The following CDC42BPA variants were observed in gnomAD, a reference collection of about 807,000 sequenced individuals.
The protein encoded by CDC42BPA is serine/threonine-protein kinase MRCK alpha.
CDC42BPA carries 80 observed loss-of-function variants against 223.5 expected under a neutral mutation model. The ratio of observed to expected loss-of-function variants is 0.36; its 90% CI spans 0.30 to 0.43. CDC42BPA has a LOEUF of 0.43. CDC42BPA is among the 20% of genes least tolerant of loss of function. The pLI, the probability that CDC42BPA is intolerant of heterozygous loss-of-function variation, is 1.00. For synonymous variants in CDC42BPA, 694 were observed against 718.6 expected (o/e 0.97, Z 0.55); for missense variants, 1,743 against 2,099.9 (o/e 0.83, Z 3.32).
intron 32 of CDC42BPA, among the ~76,000 whole-genome samples, chr1:227,021,381 T>G (rs1667349848): frequency 6.6e-6 from 1 of 152,254 alleles, no homozygotes; most frequent in Admixed American, 6.5e-5. Flanking sequence ...ATCTAAAGCT[T>G]ACATTTCATT....
chr1:227,253,158 A>G (rs1682324922), intron 2 of CDC42BPA, among the ~76,000 whole-genome samples: 4 of 152,156 alleles, frequency 2.6e-5, no homozygotes. Context: ...TTCAATACAA[A>G]CTTTACCCAA....
intron 1 of CDC42BPA, among the ~76,000 whole-genome samples, chr1:227,288,365 A>G (rs1312334791): frequency 6.6e-6 from 1 of 152,052 alleles, no homozygotes; most frequent in Non-Finnish European, 1.5e-5. Context: ...ACAGAGGGAG[A>G]TCCTGCCTCA....
intron 5 of CDC42BPA, chr1:227,183,530 C>T (rs1163972967): frequency 6.6e-6 from 1 of 152,194 alleles, no homozygotes; most frequent in African/African-American, 2.4e-5. Context: ...ATCAGAAGTT[C>T]ATTCCTTTTT....
chr1:227,111,376 T>C (rs1686890229), intron 14 of CDC42BPA, among the ~76,000 whole-genome samples: 1 of 152,234 alleles, frequency 6.6e-6, no homozygotes, highest in Non-Finnish European at 1.5e-5. Flanking sequence ...ATAATACTAT[T>C]ATACTAACAG....
At chr1:227,022,030 A>T (rs1667468299) in intron 32 of CDC42BPA, among the ~76,000 whole-genome samples, 1 of 125,028 alleles carries the variant, frequency 8.0e-6, no homozygotes, top group African/African-American at 2.9e-5. Context: ...CCCGCAAAAA[A>T]AAAATAAAAT....
intron 3 of CDC42BPA, among the ~76,000 whole-genome samples, chr1:227,207,921 G>C (rs1418890294): frequency 3.3e-5 from 3 of 90,480 alleles, no homozygotes; most frequent in Admixed American, 1.2e-4. Flanking sequence ...TCTAGTTCTA[G>C]ATCCCTGAGG....
At chr1:227,258,673 A>G (rs1352176971) in intron 1 of CDC42BPA, among the ~76,000 whole-genome samples, 2 of 150,990 alleles carry the variant, frequency 1.3e-5, no homozygotes, top group African/African-American at 5.0e-5. Flanking sequence ...AATTACTTGA[A>G]TATTTCTTAT....
At chr1:227,230,923 C>G (rs773970667) in intron 2 of CDC42BPA, among the ~76,000 whole-genome samples, 4 of 147,874 alleles carry the variant, frequency 2.7e-5, no homozygotes, top group South Asian at 2.1e-4. Context: ...CGGGTTCAAG[C>G]GATTCCCCTG....
At chr1:227,173,585 A>C (rs965341373) in intron 5 of CDC42BPA, among the ~76,000 whole-genome samples, 21 of 152,224 alleles carry the variant, frequency 1.4e-4, no homozygotes, top group South Asian at 6.2e-4. Context: ...CACCCTAAAA[A>C]AACTATAAAA....
chr1:227,165,214 C>T (rs7555278), intron 5 of CDC42BPA, among the ~76,000 whole-genome samples: 128,126 of 152,142 alleles, frequency 0.84, 54,239 homozygotes, highest in Middle Eastern at 0.91. Context: ...AATACAAGAA[C>T]TAAAAGGTAG....
At chr1:227,026,297 T>C (rs888571891) in intron 30 of CDC42BPA, 145 bp from the exon 31 acceptor site, 7 of 542,926 alleles carry the variant, frequency 1.3e-5, no homozygotes, top group African/African-American at 1.2e-4. Flanking sequence ...AATCAAAACA[T>C]TTTTGAAGCA....
rs776366075 is a variant in CDC42BPA at position 227,040,236 on chromosome 1, G to A, written c.3094C>T (p.Arg1032Cys). The change falls in exon 24 of 37, where the codon CGC becomes TGC. Residue 1032 changes from arginine (R) to cysteine (C), a missense_variant and splice_region_variant. This residue lies in a region of CDC42BPA where 678 missense variants were observed against 777.5 expected (regional missense o/e 0.87). Coordinates refer to ENST00000366766, the MANE Select transcript of CDC42BPA (RefSeq NM_001394014.1). ...CPGSTGFPPK[R>C]KTHQFFVKSF... ...TTTACAAAAAACTGGTGAGTCTTGC[G>A]CTGCAAAACAAATTGATAAAAAAAC... The A allele has an allele frequency of 6.3e-6, 10 of 1,585,616 alleles. No individual in the cohort carries two copies. Among genetic ancestry groups the A allele is most frequent in the Middle Eastern group, 1.7e-4 (1 of 6,046 alleles).
At chr1:227,062,531 T>C (rs757063415) in intron 21 of CDC42BPA, among the ~76,000 whole-genome samples, 3 of 152,184 alleles carry the variant, frequency 2.0e-5, no homozygotes, top group African/African-American at 4.8e-5. Flanking sequence ...TGTATTATGC[T>C]TAAGGGCAGG....
intron 1 of CDC42BPA, among the ~76,000 whole-genome samples, chr1:227,310,748 G>A (rs1406296766): frequency 1.4e-5 from 2 of 146,558 alleles, no homozygotes; most frequent in Non-Finnish European, 3.0e-5. Flanking sequence ...GTGCAGTGGC[G>A]CGATCTCGGC....
At position 227,238,109 on chromosome 1, in the gene CDC42BPA, T is replaced by G. The variant is rs544601769; in HGVS notation, c.270+15955A>C. 1.9e-3 allele frequency among the ~76,000 whole-genome samples: 288 copies of G among 151,152 alleles called. 1 individual carries two copies. Among genetic ancestry groups the G allele is most frequent in the Admixed American group, 4.5e-3 (69 of 15,172 alleles). On this transcript the variant is annotated intron_variant, in intron 2 of 36. Coordinates refer to ENST00000366766, the MANE Select transcript of CDC42BPA (RefSeq NM_001394014.1). ...GGCTCATGTCTGTAATCCCAACACTTTGGGAGGCATAGGCAGGAGGATCAC... is the reference window on the plus strand; with the variant it reads ...GGCTCATGTCTGTAATCCCAACACTGTGGGAGGCATAGGCAGGAGGATCAC...
chr1:227,191,066 G>A (rs574018124), intron 5 of CDC42BPA, among the ~76,000 whole-genome samples: 71 of 152,132 alleles, frequency 4.7e-4, no homozygotes, highest in Middle Eastern at 3.4e-3. Context: ...ATTCAAGGCC[G>A]GGCACGGTGG....
intron 30 of CDC42BPA, among the ~76,000 whole-genome samples, chr1:227,027,890 G>C (rs1273290429): frequency 6.6e-6 from 1 of 152,160 alleles, no homozygotes; most frequent in Non-Finnish European, 1.5e-5. Flanking sequence ...GCCAAGTTGG[G>C]AGGATTGCTT....
rs893863580 is a variant in CDC42BPA, at chr1:226,991,718, G to A, written c.*2550C>T. ...TAGCTCTCTCTCTCTGCCCTGTTGG[G>A]AGGCTGAAGAGTATGACCCATAGCA... On this transcript the variant is annotated 3_prime_UTR_variant, in exon 37 of 37. Coordinates refer to ENST00000366766, the MANE Select transcript of CDC42BPA (RefSeq NM_001394014.1). 1 of 152,058 alleles carries A rather than the reference G, an allele frequency of 6.6e-6. No homozygotes were observed. Among genetic ancestry groups the A allele is most frequent in the African/African-American group, 2.4e-5 (1 of 41,374 alleles). The allele number at this position is 152,058 out of a possible 1,614,324, so 9.4% of individuals were successfully genotyped here.
chr1:227,059,330 A>G, intron 21 of CDC42BPA: 5 of 1,520,094 alleles, frequency 3.3e-6, no homozygotes, highest in Non-Finnish European at 4.5e-6. Flanking sequence ...AGAGAGGGGT[A>G]AAAGGCCTCA....
Sources: gnomAD v4.1 joint callset for allele counts (sites outside exome capture counted in the v4.1 genomes callset) on GRCh38, gnomAD v4.1.1 for gene constraint, gnomAD v4.1.1 regional missense constraint, MANE v1.5 for transcripts, NCBI Gene and HGNC (gene_info 2026-07-23, HGNC 2026-07-21) for gene names.